The following NOL4L variants were observed in gnomAD, a reference collection of about 807,000 sequenced individuals.
NOL4L encodes nucleolar protein 4-like.
Under a neutral mutation model 64.5 loss-of-function variants are expected in NOL4L, and 7 were observed. The observed-to-expected ratio is 0.11, with a 90% CI of 0.06 to 0.20. The LOEUF (loss-of-function observed/expected upper bound fraction) is 0.20. NOL4L is among the 10% of genes least tolerant of loss of function. The pLI, the probability that NOL4L is intolerant of heterozygous loss-of-function variation, is 1.00. For missense variants in NOL4L, 680 were observed against 967.1 expected (o/e 0.70, Z 3.94); for synonymous variants, 413 against 401.0 (o/e 1.03, Z -0.36).
At chr20:32,534,591 G>A (rs906164323) in intron 1 of NOL4L, among the ~76,000 whole-genome samples, 1 of 152,174 alleles carries the variant, frequency 6.6e-6, no homozygotes, top group Non-Finnish European at 1.5e-5. Context: ...AATGGCTCAC[G>A]CCTCTAATCC....
chr20:32,572,947 T>A (rs890309378), intron 1 of NOL4L, among the ~76,000 whole-genome samples: 1 of 152,122 alleles, frequency 6.6e-6, no homozygotes, highest in African/African-American at 2.4e-5. Flanking sequence ...CAGAGAGCAG[T>A]TCTTGTTTCC....
chr20:32,508,428 C>G (rs534406002), intron 4 of NOL4L, among the ~76,000 whole-genome samples: 22 of 152,296 alleles, frequency 1.4e-4, no homozygotes, highest in African/African-American at 5.3e-4. Context: ...ACGTGCCCAG[C>G]CATAAAACAG....
At chr20:32,500,544 T>C (rs1319306800) in intron 4 of NOL4L, among the ~76,000 whole-genome samples, 1 of 150,212 alleles carries the variant, frequency 6.7e-6, no homozygotes, top group African/African-American at 2.4e-5. Flanking sequence ...CTTTCTTTTT[T>C]TTTTTTTTTT....
At chr20:32,454,729 A>G (rs1031558147) in intron 6 of NOL4L, among the ~76,000 whole-genome samples, 1 of 152,238 alleles carries the variant, frequency 6.6e-6, no homozygotes, top group African/African-American at 2.4e-5. Context: ...GCCTGGGGAC[A>G]CTGTCCCTGC....
intron 2 of NOL4L, among the ~76,000 whole-genome samples, chr20:32,521,460 G>GC (rs1403726314): frequency 6.6e-6 from 1 of 152,194 alleles, no homozygotes; most frequent in East Asian, 1.9e-4. Flanking sequence ...GACAGGCTCT[G>GC]CAGGACCCCC....
Position 32,456,196 on chromosome 20 carries a change from T to C in NOL4L, c.1041A>G (p.Thr347=). Residue 347 remains threonine, a synonymous_variant, in exon 6 of 11, where the codon ACA becomes ACG. Coordinates refer to ENST00000621426, the MANE Select transcript of NOL4L (RefSeq NM_001256798.2). Reference sequence around the variant, plus strand: ...CGCAGCCATCCGAGGGGTAGGAGGCTGTGCCAAGTGCCGTGGCCGGCGGGA... The same window carrying C: ...CGCAGCCATCCGAGGGGTAGGAGGCCGTGCCAAGTGCCGTGGCCGGCGGGA... ...DKLPPATALG[T]ASYPSDGCGA... is the part of the protein sequence containing the mutation. 1 of 1,606,666 alleles carries C rather than the reference T, an allele frequency of 6.2e-7. No individual in the cohort carries two copies. The highest frequency in any genetic ancestry group is 1.1e-5 in the South Asian group (1 of 89,770).
rs910724922 is a variant in NOL4L at position 32,445,028 on chromosome 20, A to C, written c.*2568T>G. ...GCAGAAACTTGCTCCTGATTCTGCC[A>C]TCTCTAGGGCTTCAGGTGTAGTTTC... On this transcript the variant is annotated 3_prime_UTR_variant, in exon 11 of 11. Transcript: ENST00000621426. The C allele has an allele frequency of 2.6e-5, 4 of 152,252 alleles. No individual in the cohort carries two copies. Among genetic ancestry groups the C allele is most frequent in the African/African-American group, 9.6e-5 (4 of 41,466 alleles). 9.4% of individuals were successfully genotyped at this position (152,252 alleles called of 1,614,324 possible). A position where few individuals can be genotyped will look rare whatever the true frequency, so the allele number is the denominator to read the frequency against.
intron 5 of NOL4L, 84 bp from the exon 6 acceptor site, chr20:32,456,479 T>C (rs1308693369): frequency 4.6e-6 from 6 of 1,290,544 alleles, no homozygotes; most frequent in Non-Finnish European, 6.0e-6. Flanking sequence ...CCCTGTGTCC[T>C]CCTCATGAGT....
chr20:32,524,210 G>GT (rs2018046052), intron 2 of NOL4L, among the ~76,000 whole-genome samples: 1 of 152,206 alleles, frequency 6.6e-6, no homozygotes, highest in Non-Finnish European at 1.5e-5. Context: ...AGGAAACTCT[G>GT]TAGAACCAGC....
At chr20:32,477,917 G>C (rs2015493556) in intron 4 of NOL4L, among the ~76,000 whole-genome samples, 1 of 152,246 alleles carries the variant, frequency 6.6e-6, no homozygotes, top group African/African-American at 2.4e-5. Flanking sequence ...AGTGCCCACA[G>C]GCACGGGACT....
intron 4 of NOL4L, among the ~76,000 whole-genome samples, chr20:32,488,262 T>G (rs1234373762): frequency 6.6e-6 from 1 of 152,158 alleles, no homozygotes; most frequent in African/African-American, 2.4e-5. Flanking sequence ...GATTACAAAC[T>G]GTGGTAGACA....
chr20:32,473,408 C>T (rs944031381), intron 5 of NOL4L, among the ~76,000 whole-genome samples: 1 of 152,220 alleles, frequency 6.6e-6, no homozygotes, highest in Admixed American at 6.5e-5. Flanking sequence ...GCGGCACTGG[C>T]CTGGGAGGCT....
chr20:32,500,899 T>C (rs2016898467), intron 4 of NOL4L, among the ~76,000 whole-genome samples: 1 of 152,202 alleles, frequency 6.6e-6, no homozygotes. Context: ...TAAACAGCTA[T>C]GAGTCTCGAC....
intron 5 of NOL4L, among the ~76,000 whole-genome samples, chr20:32,473,562 A>T (rs2015174539): frequency 6.6e-6 from 1 of 152,156 alleles, no homozygotes; most frequent in Non-Finnish European, 1.5e-5. Context: ...CTGCCTCCAG[A>T]CTGGGTCTCC....
At chr20:32,503,811 T>C (rs1036909639) in intron 4 of NOL4L, among the ~76,000 whole-genome samples, 4 of 152,320 alleles carry the variant, frequency 2.6e-5, no homozygotes, top group African/African-American at 9.6e-5. Context: ...TCTTTGATCA[T>C]CATAAAATAT....
At chr20:32,505,241 A>AG (rs563275959) in intron 4 of NOL4L, among the ~76,000 whole-genome samples, 2 of 152,146 alleles carry the variant, frequency 1.3e-5, no homozygotes, top group Non-Finnish European at 1.5e-5. Flanking sequence ...CTTTCTGGGC[A>AG]GGGGGGAGAT....
In NOL4L at chr20:32,457,348, G is replaced by A. The variant is rs540479061; in HGVS notation, c.842-953C>T. On this transcript the variant is annotated intron_variant, in intron 5 of 10. Coordinates refer to ENST00000621426, the MANE Select transcript of NOL4L (RefSeq NM_001256798.2). ...CAGGTGAGCACCCGCGAGGGTCCCG[G>A]GGAGGTACGGGTGACCCTGGCGGCT... Among the ~76,000 whole-genome samples the A allele has an allele frequency of 2.6e-5, 4 of 152,336 alleles. No homozygotes were observed. The East Asian group carries it at 7.7e-4, about 29-fold the overall frequency.
At chr20:32,548,951 T>C (rs1478387224) in intron 1 of NOL4L, 1 of 288,040 alleles carries the variant, frequency 3.5e-6, no homozygotes, top group East Asian at 1.2e-4. Flanking sequence ...GCATACAGAT[T>C]TACTGTTTAG....
intron 4 of NOL4L, among the ~76,000 whole-genome samples, chr20:32,487,382 G>A (rs2016135105): frequency 6.6e-6 from 1 of 151,626 alleles, no homozygotes. Flanking sequence ...AGAGGATGGG[G>A]GTGGAATGAG....
Sources: gnomAD v4.1 joint callset for allele counts (sites outside exome capture counted in the v4.1 genomes callset) on GRCh38, gnomAD v4.1.1 for gene constraint, MANE v1.5 for transcripts, NCBI Gene and HGNC (gene_info 2026-07-23, HGNC 2026-07-21) for gene names.